PSD2: variants seen among roughly 807,000 people sequenced by gnomAD.
The protein encoded by PSD2 is pleckstrin and Sec7 domain containing 2.
PSD2 carries 38 observed loss-of-function variants against 69.8 expected under a neutral mutation model. The observed-to-expected ratio is 0.54, with a 90% CI of 0.42 to 0.71. The LOEUF is 0.71. Among genes scored for constraint, PSD2 ranks in the 30% least tolerant of loss-of-function variants. PSD2 has a pLI of 0.00. For missense variants in PSD2, 943 were observed against 1,014.5 expected (o/e 0.93, Z 0.96); for synonymous variants, 412 against 423.0 (o/e 0.97, Z 0.32).
At chr5:139,761,013 C>A in the PSD2 span, among the ~76,000 whole-genome samples, 625 of 152,242 alleles carry the variant, frequency 4.1e-3, 9 homozygotes, top group African/African-American at 0.014. Flanking sequence ...AAAATAAATA[C>A]ACAAATAAAT....
the PSD2 span, among the ~76,000 whole-genome samples, chr5:139,768,500 A>G: frequency 3.9e-5 from 6 of 152,172 alleles, no homozygotes; most frequent in South Asian, 4.1e-4. Flanking sequence ...AGGTGGGTGG[A>G]TCGCCTGAGG....
intron 7 of PSD2, among the ~76,000 whole-genome samples, chr5:139,831,364 G>A (rs1301224117): frequency 2.0e-5 from 3 of 152,002 alleles, no homozygotes; most frequent in Admixed American, 1.3e-4. Flanking sequence ...ATAAAATTTG[G>A]TAATAATGTT....
the PSD2 span, among the ~76,000 whole-genome samples, chr5:139,785,241 T>A: frequency 6.6e-6 from 1 of 151,594 alleles, no homozygotes; most frequent in Non-Finnish European, 1.5e-5. Context: ...TTCCTTTTTT[T>A]TTTTTCAGGG....
At chr5:139,754,401 T>C in the PSD2 span, among the ~76,000 whole-genome samples, 2 of 152,116 alleles carry the variant, frequency 1.3e-5, no homozygotes, top group South Asian at 4.2e-4. Context: ...ACCCTACCTC[T>C]AAAATTAAAA....
At chr5:139,825,245 C>G (rs1473462263) in intron 7 of PSD2, among the ~76,000 whole-genome samples, 1 of 152,218 alleles carries the variant, frequency 6.6e-6, no homozygotes, top group Non-Finnish European at 1.5e-5. Context: ...GGGCAGAGAC[C>G]TGGATCAGCG....
In PSD2 at chr5:139,814,928, C is replaced by T. The variant is rs531347537; in HGVS notation, c.1016+564C>T. ...GGATTGCAGGACCGAGGAAGTCTGC[C>T]GGCACATTCTGCTCACATCTGACCA... On this transcript the variant is annotated intron_variant, in intron 4 of 14. Coordinates refer to ENST00000274710, the MANE Select transcript of PSD2 (RefSeq NM_032289.4). The surrounding 1 kb of genome is among the most constrained non-coding windows in gnomAD (Gnocchi z 4.4). Among the ~76,000 whole-genome samples the T allele has an allele frequency of 4.6e-5, 7 of 152,290 alleles. No homozygotes were observed. The highest frequency in any genetic ancestry group is 4.1e-4 in the South Asian group (2 of 4,828).
At chr5:139,773,725 G>T in the PSD2 span, among the ~76,000 whole-genome samples, 1 of 152,094 alleles carries the variant, frequency 6.6e-6, no homozygotes, top group Non-Finnish European at 1.5e-5. Context: ...CCTGCTGATG[G>T]GTTCTTGGGT....
chr5:139,765,564 C>T, the PSD2 span, among the ~76,000 whole-genome samples: 2 of 152,236 alleles, frequency 1.3e-5, no homozygotes, highest in Non-Finnish European at 2.9e-5. Flanking sequence ...AATCCCCATT[C>T]GCCCCCTTGC....
intron 2 of PSD2, among the ~76,000 whole-genome samples, chr5:139,813,102 A>G (rs1760013282): frequency 6.6e-6 from 1 of 152,200 alleles, no homozygotes; most frequent in African/African-American, 2.4e-5. Flanking sequence ...CCCCGGCCCC[A>G]GGTCTGCTCT....
the PSD2 span, among the ~76,000 whole-genome samples, chr5:139,759,296 G>A: frequency 7.9e-5 from 12 of 151,938 alleles, no homozygotes; most frequent in African/African-American, 2.7e-4. Context: ...GCCACCGCCC[G>A]CGCGCGCTCT....
At chr5:139,749,437 C>G in the PSD2 span, among the ~76,000 whole-genome samples, 1 of 152,228 alleles carries the variant, frequency 6.6e-6, no homozygotes, top group Non-Finnish European at 1.5e-5. Context: ...GCAACAGCAG[C>G]AGCCACTGCC....
chr5:139,802,244 G>C (rs1018234067), intron 1 of PSD2, among the ~76,000 whole-genome samples: 2 of 151,928 alleles, frequency 1.3e-5, no homozygotes, highest in African/African-American at 4.8e-5. Flanking sequence ...TGGGGGGCCT[G>C]GACAGAGAAT....
At chr5:139,792,859 T>TTTCCTTCC (rs141834556), upstream of PSD2, among the ~76,000 whole-genome samples, 20,390 of 107,620 alleles carry the variant, frequency 0.19, 2,221 homozygotes, top group South Asian at 0.21. Context: ...TCTTTCTGTC[T>TTTCCTTCC]TTCCTTCCTT....
At chr5:139,796,319 C>T (rs1420867550) in intron 1 of PSD2, among the ~76,000 whole-genome samples, 1 of 152,222 alleles carries the variant, frequency 6.6e-6, no homozygotes, top group African/African-American at 2.4e-5. Context: ...TACCCTCTCC[C>T]CGCTTTTGTA....
chr5:139,766,831 CTTTCTTTCTTTCTTTCTTTCTT>C, the PSD2 span, among the ~76,000 whole-genome samples: 1 of 32,324 alleles, frequency 3.1e-5, no homozygotes, highest in African/African-American at 6.6e-5. Flanking sequence ...TCCCTTCCTT[CTTTCTTTCTTTCTTTCTTTCTT>C]TCTTTCTTTC....
chr5:139,761,556 C>T, the PSD2 span, among the ~76,000 whole-genome samples: 1 of 152,314 alleles, frequency 6.6e-6, no homozygotes, highest in Admixed American at 6.5e-5. Context: ...TTCTTTCCGT[C>T]CTTTCTGCTG....
At position 139,813,507 on chromosome 5, in the gene PSD2, C is replaced by T. The variant is rs562654316; in HGVS notation, c.570C>T (p.Asp190=). The change falls in exon 3 of 15, where the codon GAC becomes GAT. Residue 190 remains aspartate, a synonymous_variant. Coordinates refer to ENST00000274710, the MANE Select transcript of PSD2 (RefSeq NM_032289.4). ...CCCTCATCCAGCAGCGGGCCCGTGA[C>T]AGCCCTGAGCCAGGGGCTGGGTTGG... The part of the protein sequence containing the change: ...LTPLIQQRAR[D]SPEPGAGLGI... The T allele has an allele frequency of 6.2e-6, 10 of 1,612,262 alleles. No homozygotes were observed. Among genetic ancestry groups the T allele is most frequent in the South Asian group, 5.5e-5 (5 of 90,918 alleles).
At chr5:139,752,491 T>C in the PSD2 span, among the ~76,000 whole-genome samples, 2 of 151,968 alleles carry the variant, frequency 1.3e-5, no homozygotes, top group Admixed American at 6.6e-5. Context: ...CAGCCACCCA[T>C]CCAACACACA....
Position 139,809,782 on chromosome 5 carries a change from C to T in PSD2, c.342C>T (p.Leu114=), listed in dbSNP as rs1281839183. ...LAEGDNASRS[L]YPDAEDPQLG... is the part of the protein sequence containing the mutation. Reference sequence around the variant, plus strand: ...AGGGGGACAATGCTTCCAGGAGCCTCTACCCAGATGCTGAGGACCCTCAGC... The same window carrying T: ...AGGGGGACAATGCTTCCAGGAGCCTTTACCCAGATGCTGAGGACCCTCAGC... Residue 114 remains leucine, a synonymous_variant, in exon 2 of 15, where the codon CTC becomes CTT. Transcript: ENST00000274710. 1.2e-6 allele frequency: 2 copies of T among 1,614,212 alleles called. No homozygotes were observed. Among genetic ancestry groups the T allele is most frequent in the South Asian group, 2.2e-5 (2 of 91,082 alleles).
Sources: allele counts gnomAD v4.1 joint callset (sites outside exome capture counted in the v4.1 genomes callset), GRCh38; gene constraint gnomAD v4.1.1; non-coding constraint Gnocchi (gnomAD v3.1); transcripts MANE v1.5; gene names NCBI Gene and HGNC (gene_info 2026-07-23, HGNC 2026-07-21).